UTRN: variants seen among roughly 807,000 people sequenced by gnomAD.
UTRN encodes utrophin, also known as dystrophin-related protein 1.
A neutral mutation model predicts 463.9 loss-of-function variants in UTRN; 283 were observed. The ratio of observed to expected loss-of-function variants is 0.61; its 90% CI spans 0.55 to 0.67. The LOEUF (loss-of-function observed/expected upper bound fraction) is 0.67. UTRN is among the 30% of genes least tolerant of loss of function. The probability of loss-of-function intolerance (pLI) is 0.00; values close to 1 mark genes in which losing one functional copy is unlikely to be tolerated. For missense variants in UTRN, 3,922 were observed against 4,084.3 expected (o/e 0.96, Z 1.08); for synonymous variants, 1,442 against 1,431.5 (o/e 1.01, Z -0.17).
Position 144,683,769 on chromosome 6 carries a change from C to T in UTRN, c.7652+5191C>T, listed in dbSNP as rs59451270. The stretch of plus-strand genomic sequence containing the variant: ...CAATGAGAATATTCTGAATCTCTAC[C>T]AACTGCTATGGACACCAAACGGCCT... On this transcript the variant is annotated intron_variant, in intron 52 of 74. Coordinates refer to ENST00000367545, the MANE Select transcript of UTRN (RefSeq NM_007124.3). Among the ~76,000 whole-genome samples the T allele has an allele frequency of 3.0e-3, 450 of 152,174 alleles. 20 individuals carry two copies. In the East Asian group the frequency reaches 0.065, roughly 22 times the overall value.
chr6:144,635,865 A>G (rs1777118045), intron 51 of UTRN, among the ~76,000 whole-genome samples: 1 of 152,054 alleles, frequency 6.6e-6, no homozygotes, highest in African/African-American at 2.4e-5. Flanking sequence ...CTTTAAAAAA[A>G]ATTTAATAAT....
chr6:144,380,510 A>G (rs1430138209), intron 2 of UTRN, among the ~76,000 whole-genome samples: 1 of 152,204 alleles, frequency 6.6e-6, no homozygotes, highest in African/African-American at 2.4e-5. Flanking sequence ...AAATAATGAT[A>G]GTTGAAACTC....
chr6:144,733,655 T>C (rs552702411), intron 54 of UTRN, among the ~76,000 whole-genome samples: 3 of 152,326 alleles, frequency 2.0e-5, no homozygotes, highest in Admixed American at 1.3e-4. Flanking sequence ...ATGTGCTACC[T>C]TCCCTTCTTC....
intron 51 of UTRN, among the ~76,000 whole-genome samples, chr6:144,624,298 G>A (rs1478257833): frequency 6.6e-6 from 1 of 152,092 alleles, no homozygotes; most frequent in Non-Finnish European, 1.5e-5. Flanking sequence ...GCAAGGGAGG[G>A]CATTACTGTG....
chr6:144,723,860 A>G (rs1430264076), intron 53 of UTRN, among the ~76,000 whole-genome samples: 1 of 151,780 alleles, frequency 6.6e-6, no homozygotes, highest in Non-Finnish European at 1.5e-5. Context: ...TAAAAAAAAA[A>G]TTGGCCAGGC....
chr6:144,740,571 G>A (rs574587561), intron 54 of UTRN, among the ~76,000 whole-genome samples: 6 of 152,244 alleles, frequency 3.9e-5, no homozygotes, highest in South Asian at 2.1e-4. Flanking sequence ...ATGAAAAAGC[G>A]CAGAAAAATA....
At position 144,360,070 on chromosome 6, in the gene UTRN, CCCTTCCCTTCCCTTCCCTT is replaced by C. The variant is rs1373485816; in HGVS notation, c.80-43050_80-43032del. On this transcript the variant is annotated intron_variant, in intron 2 of 74. Coordinates refer to ENST00000367545, the MANE Select transcript of UTRN (RefSeq NM_007124.3). ...CCCTTCCCTTCCCTTCCCTTCCCTT[CCCTTCCCTTCCCTTCCCTT>C]CCCTCCCCTCCCCTCCCCTCCCCCC... Among the ~76,000 whole-genome samples, 41 of 93,520 alleles carry C rather than the reference CCCTTCCCTTCCCTTCCCTT, an allele frequency of 4.4e-4. 1 individual carries two copies. In the South Asian group the frequency reaches 5.4e-3, roughly 12 times the overall value. 61.4% of individuals were successfully genotyped at this position (93,520 alleles called of 152,430 possible).
chr6:144,464,015 A>T (rs1789684713), intron 23 of UTRN, among the ~76,000 whole-genome samples: 1 of 151,666 alleles, frequency 6.6e-6, no homozygotes, highest in Non-Finnish European at 1.5e-5. Context: ...ATATATTTGG[A>T]TCTACATCTA....
chr6:144,445,916 C>T (rs1376716688), intron 14 of UTRN, among the ~76,000 whole-genome samples: 1 of 151,990 alleles, frequency 6.6e-6, no homozygotes, highest in African/African-American at 2.4e-5. Flanking sequence ...ATCCCAGCCA[C>T]TCAGGAGGCT....
chr6:144,419,548 C>T (rs186519001), intron 3 of UTRN, among the ~76,000 whole-genome samples: 301 of 152,286 alleles, frequency 2.0e-3, no homozygotes, highest in Non-Finnish European at 2.8e-3. Flanking sequence ...AAACTACCTA[C>T]TGGGTACTGT....
chr6:144,514,866 G>A, intron 37 of UTRN, 46 bp downstream of exon 37: 1 of 1,563,724 alleles, frequency 6.4e-7, no homozygotes, highest in Non-Finnish European at 8.7e-7. Context: ...CTATGGGTAT[G>A]TATCTAAATG....
intron 2 of UTRN, among the ~76,000 whole-genome samples, chr6:144,321,211 A>AACAC (rs3061624): frequency 2.7e-5 from 4 of 150,822 alleles, no homozygotes; most frequent in South Asian, 2.1e-4. Flanking sequence ...ACTATTTACA[A>AACAC]ACACACACAC....
chr6:144,633,316 G>A lies in UTRN; in HGVS notation c.7480-45090G>A, dbSNP rs549375246. Among the ~76,000 whole-genome samples, 599 of 146,824 alleles carry A rather than the reference G, an allele frequency of 4.1e-3. 1 individual carries two copies. The highest frequency in any genetic ancestry group is 7.1e-3 in the Middle Eastern group (2 of 280). On this transcript the variant is annotated intron_variant, in intron 51 of 74. Coordinates refer to ENST00000367545, the MANE Select transcript of UTRN (RefSeq NM_007124.3). ...GCGATCTCGGCGCACTGCAAGCTCCGCCTCCCGGGTTCACGCCATTCTCCT... is the reference window on the plus strand; with the variant it reads ...GCGATCTCGGCGCACTGCAAGCTCCACCTCCCGGGTTCACGCCATTCTCCT...
chr6:144,301,227 C>T (rs1000617228), intron 2 of UTRN, among the ~76,000 whole-genome samples: 3 of 151,968 alleles, frequency 2.0e-5, no homozygotes, highest in African/African-American at 2.4e-5. Context: ...CATATCAGAC[C>T]CTTAATTATA....
chr6:144,529,669 A>G (rs1412966173), intron 41 of UTRN, among the ~76,000 whole-genome samples: 4 of 152,098 alleles, frequency 2.6e-5, no homozygotes, highest in Non-Finnish European at 5.9e-5. Flanking sequence ...TTCTTTTTCC[A>G]TGCTCAATAG....
intron 53 of UTRN, among the ~76,000 whole-genome samples, chr6:144,713,491 G>A (rs1447262578): frequency 6.6e-6 from 1 of 150,524 alleles, no homozygotes; most frequent in East Asian, 1.9e-4. Flanking sequence ...GTGTATACCT[G>A]TAATCCCAGC....
chr6:144,466,012 T>C (rs1461731687), intron 23 of UTRN, among the ~76,000 whole-genome samples: 2 of 152,252 alleles, frequency 1.3e-5, no homozygotes, highest in Non-Finnish European at 2.9e-5. Context: ...GTTCCTTTTC[T>C]TCCCCAATAC....
intron 51 of UTRN, among the ~76,000 whole-genome samples, chr6:144,667,712 G>T (rs1780569954): frequency 6.6e-6 from 1 of 152,140 alleles, no homozygotes; most frequent in African/African-American, 2.4e-5. Context: ...TGACACCAAA[G>T]AACTTTTCAG....
At chr6:144,595,185 T>G (rs1803514070) in intron 51 of UTRN, among the ~76,000 whole-genome samples, 1 of 152,220 alleles carries the variant, frequency 6.6e-6, no homozygotes, top group Non-Finnish European at 1.5e-5. Flanking sequence ...TTCTAGACAG[T>G]GGGAATAATT....
Sources: allele counts gnomAD v4.1 joint callset (sites outside exome capture counted in the v4.1 genomes callset), GRCh38; gene constraint gnomAD v4.1.1; transcripts MANE v1.5; gene names NCBI Gene and HGNC (gene_info 2026-07-23, HGNC 2026-07-21).